Variants in EZR observed in about 807,000 individuals in gnomAD.
EZR encodes cytovillin 2.
EZR carries 40 observed loss-of-function variants against 74.8 expected under a neutral mutation model. That is an observed-to-expected ratio of 0.53 (90% CI 0.42 to 0.70). The LOEUF is 0.70. Ranked by LOEUF, EZR falls within the 30% of genes least tolerant of loss-of-function variation. The probability of loss-of-function intolerance (pLI) is 0.00; values close to 1 mark genes in which losing one functional copy is unlikely to be tolerated. For missense variants in EZR, 678 were observed against 755.8 expected, an observed-to-expected ratio of 0.90 and a Z score of 1.21; for synonymous variants, 341 against 283.3, an observed-to-expected ratio of 1.20 and a Z score of -2.05.
At chr6:158,818,203 CCCTGCCTCGTCCT>C (rs1242118403) in intron 1 of EZR, 37 bp from the exon 2 acceptor site, 1 of 1,221,622 alleles carries the variant, frequency 8.2e-7, no homozygotes, top group Non-Finnish European at 1.1e-6. Context: ...CGCCCGCCCG[CCCTGCCTCGTCCT>C]CCTGCCGCGC....
At chr6:158,794,595 T>C (rs1777027447) in intron 2 of EZR, among the ~76,000 whole-genome samples, 2 of 152,264 alleles carry the variant, frequency 1.3e-5, no homozygotes, top group East Asian at 1.9e-4. Context: ...ATGTGCAGAC[T>C]GGAGAAAAAG....
chr6:158,817,056 G>A (rs895019542), intron 2 of EZR, among the ~76,000 whole-genome samples: 5 of 152,130 alleles, frequency 3.3e-5, no homozygotes, highest in Admixed American at 2.6e-4. Context: ...CTGCACTCCA[G>A]CCTGGGCCAC....
chr6:158,788,697 A>G (rs913254103), intron 3 of EZR, among the ~76,000 whole-genome samples: 1 of 152,068 alleles, frequency 6.6e-6, no homozygotes, highest in Non-Finnish European at 1.5e-5. Context: ...GTTATTGGGG[A>G]AAAAAGTATT....
chr6:158,783,448 A>G, intron 7 of EZR, 72 bp downstream of exon 7: 1 of 1,443,966 alleles, frequency 6.9e-7, no homozygotes, highest in Non-Finnish European at 9.3e-7. Flanking sequence ...ATAACCCACA[A>G]ATTTGCCATT....
chr6:158,794,951 A>G (rs1777036948), intron 2 of EZR, among the ~76,000 whole-genome samples: 1 of 152,080 alleles, frequency 6.6e-6, no homozygotes, highest in Non-Finnish European at 1.5e-5. Flanking sequence ...TTAATAATCT[A>G]CTCTTTAAAA....
At chr6:158,800,117 G>C (rs1398760945) in intron 2 of EZR, among the ~76,000 whole-genome samples, 1 of 152,222 alleles carries the variant, frequency 6.6e-6, no homozygotes, top group African/African-American at 2.4e-5. Flanking sequence ...CAAGGACAGA[G>C]AGGGCTGAGA....
intron 2 of EZR, among the ~76,000 whole-genome samples, chr6:158,806,445 TCAA>T (rs1340252693): frequency 6.6e-6 from 1 of 151,942 alleles, no homozygotes; most frequent in Non-Finnish European, 1.5e-5. Flanking sequence ...CTTTTCAGCT[TCAA>T]CACCATTCTT....
chr6:158,783,809 G>A (rs544636871), intron 6 of EZR, 143 bp from the exon 7 acceptor site: 42 of 895,992 alleles, frequency 4.7e-5, no homozygotes, highest in Admixed American at 2.3e-4. Flanking sequence ...GGCAGGGGCC[G>A]GGCAGCCGAC....
intron 2 of EZR, among the ~76,000 whole-genome samples, chr6:158,812,582 T>G (rs2128577211): frequency 6.6e-6 from 1 of 152,308 alleles, no homozygotes; most frequent in South Asian, 2.1e-4. Flanking sequence ...AAAAAGCTAC[T>G]GAATTATTTG....
At chr6:158,807,818 C>T (rs1253903384) in intron 2 of EZR, among the ~76,000 whole-genome samples, 1 of 152,160 alleles carries the variant, frequency 6.6e-6, no homozygotes, top group African/African-American at 2.4e-5. Flanking sequence ...GCACGGCTCC[C>T]TTTACAACTC....
In EZR at chr6:158,769,839, G is replaced by A. The variant is rs534304928; in HGVS notation, c.1196C>T (p.Ala399Val). ...LEADRMAALR[A>V]KEELERQAVD... ...CGCCTGTCTCTCCAGCTCCTCCTTAGCCCGCAGTGCAGCCATACGGTCAGC... is the reference window on the plus strand; with the variant it reads ...CGCCTGTCTCTCCAGCTCCTCCTTAACCCGCAGTGCAGCCATACGGTCAGC... The change falls in exon 11 of 14, where the codon GCT becomes GTT. Residue 399 changes from alanine to valine, a missense_variant. Ala to Val is a moderately conservative substitution (Grantham distance 64, BLOSUM62 0). Coordinates refer to ENST00000367075, the MANE Select transcript of EZR (RefSeq NM_001111077.2). The A allele has an allele frequency of 6.2e-7, 1 of 1,613,940 alleles. No homozygotes were observed. Among genetic ancestry groups the A allele is most frequent in the East Asian group, 2.2e-5 (1 of 44,886 alleles).
chr6:158,776,604 T>G lies in EZR; in HGVS notation c.699-100A>C, dbSNP rs1791286864. 3.6e-6 allele frequency: 3 copies of G among 828,652 alleles called. No homozygotes were observed. In the Admixed American group the frequency reaches 8.1e-5, roughly 22 times the overall value. The allele number at this position is 828,652 out of a possible 1,614,324, so 51.3% of individuals were successfully genotyped here. On this transcript the variant is annotated intron_variant, in intron 7 of 13. Coordinates refer to ENST00000367075, the MANE Select transcript of EZR (RefSeq NM_001111077.2). ...TCAATTCTTATTAGTTCAATTAAAATAATATGAAGCTAACCCAAGAGGCAC... is the reference window on the plus strand; with the variant it reads ...TCAATTCTTATTAGTTCAATTAAAAGAATATGAAGCTAACCCAAGAGGCAC...
In EZR at chr6:158,813,011, C is replaced by T. The variant is rs112159510; in HGVS notation, c.12+5071G>A. Among the ~76,000 whole-genome samples, 817 of 152,306 alleles carry T rather than the reference C, an allele frequency of 5.4e-3. 5 individuals carry two copies. Among genetic ancestry groups the T allele is most frequent in the African/African-American group, 0.019 (774 of 41,560 alleles). Reference sequence around the variant, plus strand: ...GCTGTCTCCTGCCTCCTGTGATTTTCCTATTACAGATCACAGTCAACTTTT... The same window carrying T: ...GCTGTCTCCTGCCTCCTGTGATTTTTCTATTACAGATCACAGTCAACTTTT... On this transcript the variant is annotated intron_variant, in intron 2 of 13. Coordinates refer to ENST00000367075, the MANE Select transcript of EZR (RefSeq NM_001111077.2).
At chr6:158,771,074 G>C (rs1355379603) in intron 9 of EZR, among the ~76,000 whole-genome samples, 170 bp downstream of exon 9, 1 of 152,204 alleles carries the variant, frequency 6.6e-6, no homozygotes, top group Non-Finnish European at 1.5e-5. Flanking sequence ...AACAGGCTCA[G>C]CACCACAGCA....
chr6:158,783,235 C>A (rs547971908), intron 7 of EZR, among the ~76,000 whole-genome samples: 1 of 109,422 alleles, frequency 9.1e-6, no homozygotes, highest in African/African-American at 3.1e-5. Context: ...GGGGTGGAAT[C>A]TCAGAGGCAG....
chr6:158,767,323 G>C lies in EZR; in HGVS notation c.1534C>G (p.Arg512Gly), dbSNP rs772494253. 1 of 1,614,144 alleles carries C rather than the reference G, an allele frequency of 6.2e-7. No individual in the cohort carries two copies. The highest frequency in any genetic ancestry group is 1.1e-5 in the South Asian group (1 of 91,076). ...TCAGTGATGCGCTTCTCCTCATTGC[G>C]GTCATCCCGGATGCCCTCACTAGAC... ...ELSSEGIRDD[R>G]NEEKRITEAE... is the part of the protein sequence containing the mutation. Residue 512 changes from arginine (R) to glycine (G), a missense_variant, in exon 13 of 14, where the codon CGC becomes GGC. By Grantham distance (125) the Arg-to-Gly change is moderately radical. Around this residue, in one of 3 missense-constraint regions of EZR, gnomAD observed 342 missense variants for 341.2 expected, o/e 1.00. Transcript: ENST00000367075.
intron 2 of EZR, among the ~76,000 whole-genome samples, chr6:158,797,442 T>C (rs1489551364): frequency 6.6e-6 from 1 of 152,208 alleles, no homozygotes. Context: ...TTATCACACC[T>C]GCCATTTACT....
In EZR at chr6:158,799,311, C is replaced by T. The variant is rs111872300; in HGVS notation, c.13-9940G>A. On this transcript the variant is annotated intron_variant, in intron 2 of 13. Coordinates refer to ENST00000367075, the MANE Select transcript of EZR (RefSeq NM_001111077.2). ...GAGGGGCCTACATTTCCATGTTTACCGGCTCACAGCTGATGCCAAGGTCAC... is the reference window on the plus strand; with the variant it reads ...GAGGGGCCTACATTTCCATGTTTACTGGCTCACAGCTGATGCCAAGGTCAC... 4.8e-3 allele frequency among the ~76,000 whole-genome samples: 738 copies of T among 152,312 alleles called. 5 individuals are homozygous for T. The highest frequency in any genetic ancestry group is 0.017 in the African/African-American group (689 of 41,572).
At chr6:158,810,926 G>T (rs1346526526) in intron 2 of EZR, among the ~76,000 whole-genome samples, 1 of 152,154 alleles carries the variant, frequency 6.6e-6, no homozygotes, top group Non-Finnish European at 1.5e-5. Context: ...CGAAATTTAG[G>T]TTCACAGATG....
Sources: gnomAD v4.1 joint callset for allele counts (sites outside exome capture counted in the v4.1 genomes callset) on GRCh38, gnomAD v4.1.1 for gene constraint, gnomAD v4.1.1 regional missense constraint, MANE v1.5 for transcripts, NCBI Gene and HGNC (gene_info 2026-07-23, HGNC 2026-07-21) for gene names.